MAN2A1: variants seen among roughly 807,000 people sequenced by gnomAD.
MAN2A1 encodes mannosidase alpha class 2A member 1, also known as alpha-mannosidase 2.
Under a neutral mutation model 142.6 loss-of-function variants are expected in MAN2A1, and 76 were observed. The observed-to-expected ratio is 0.53, with a 90% CI of 0.44 to 0.65. The LOEUF (loss-of-function observed/expected upper bound fraction) is 0.65, where lower values mean the gene tolerates loss of function less well. Among genes scored for constraint, MAN2A1 ranks in the 30% least tolerant of loss-of-function variants. The pLI, the probability that MAN2A1 is intolerant of heterozygous loss-of-function variation, is 0.00. For synonymous variants in MAN2A1, 559 were observed against 473.2 expected, an observed-to-expected ratio of 1.18 and a Z score of -2.35; for missense variants, 1,311 against 1,365.1, an observed-to-expected ratio of 0.96 and a Z score of 0.62.
intron 19 of MAN2A1, among the ~76,000 whole-genome samples, chr5:109,850,103 A>G (rs747104740): frequency 2.4e-4 from 37 of 152,156 alleles, no homozygotes; most frequent in Non-Finnish European, 4.3e-4. Context: ...GTGTGCGATT[A>G]TTTGATCCTG....
chr5:109,751,529 A>G (rs566952441), intron 4 of MAN2A1, among the ~76,000 whole-genome samples: 1 of 151,776 alleles, frequency 6.6e-6, no homozygotes, highest in South Asian at 2.1e-4. Flanking sequence ...TTTTCCCAGT[A>G]GTGGGATGGC....
intron 1 of MAN2A1, among the ~76,000 whole-genome samples, chr5:109,711,882 C>A (rs1055605037): frequency 2.1e-5 from 3 of 140,016 alleles, no homozygotes; most frequent in African/African-American, 8.5e-5. Context: ...TGACAATTGC[C>A]TTTAAAGGAC....
chr5:109,832,161 CTTTTTTT>C (rs70999945), intron 16 of MAN2A1, among the ~76,000 whole-genome samples: 8 of 51,218 alleles, frequency 1.6e-4, no homozygotes, highest in Admixed American at 7.1e-4. Context: ...AAGGAGTTTT[CTTTTTTT>C]TTTTTTTTTT....
intron 6 of MAN2A1, among the ~76,000 whole-genome samples, chr5:109,769,900 T>A (rs1358067842): frequency 2.6e-5 from 4 of 152,136 alleles, no homozygotes; most frequent in African/African-American, 9.7e-5. Context: ...ACACTTCCTT[T>A]GTTCTTCCAT....
intron 21 of MAN2A1, chr5:109,865,403 C>G (rs551536290): frequency 2.4e-6 from 1 of 421,602 alleles, no homozygotes; most frequent in East Asian, 4.8e-5. Flanking sequence ...CCTAGGCCTT[C>G]TATTTCCAGC....
intron 7 of MAN2A1, among the ~76,000 whole-genome samples, chr5:109,772,420 C>T (rs1753173665): frequency 6.6e-6 from 1 of 152,192 alleles, no homozygotes; most frequent in African/African-American, 2.4e-5. Context: ...GTTAACTCTA[C>T]TGGTTACCTC....
chr5:109,825,258 C>A (rs1158659874), intron 16 of MAN2A1, among the ~76,000 whole-genome samples: 1 of 152,164 alleles, frequency 6.6e-6, no homozygotes, highest in Non-Finnish European at 1.5e-5. Flanking sequence ...ATATGCTGAT[C>A]TATTTTTAAG....
intron 1 of MAN2A1, among the ~76,000 whole-genome samples, chr5:109,708,943 C>T (rs1006793683): frequency 2.6e-5 from 4 of 152,192 alleles, no homozygotes; most frequent in Non-Finnish European, 5.9e-5. Flanking sequence ...ACTCACACAC[C>T]GTCTCCTCTG....
At position 109,834,532 on chromosome 5, in the gene MAN2A1, A is replaced by G. The variant is rs548284304; in HGVS notation, c.2567-7796A>G. On this transcript the variant is annotated intron_variant, in intron 16 of 21. Transcript: ENST00000261483. The stretch of plus-strand genomic sequence containing the variant: ...AGTTTATTGGTATAATCTTTACCCA[A>G]CATTTGCAATTCATATGATCAAAAT... Among the ~76,000 whole-genome samples, 3 of 152,288 alleles carry G rather than the reference A, an allele frequency of 2.0e-5. No homozygotes were observed. The South Asian group carries it at 6.2e-4, about 32-fold the overall frequency.
chr5:109,712,495 G>A (rs1416879323), intron 1 of MAN2A1, among the ~76,000 whole-genome samples: 3 of 152,190 alleles, frequency 2.0e-5, no homozygotes, highest in African/African-American at 4.8e-5. Context: ...ACTTTTGGGC[G>A]TTTGGATATT....
intron 5 of MAN2A1, among the ~76,000 whole-genome samples, chr5:109,761,663 T>A (rs1410458510): frequency 6.6e-6 from 1 of 152,090 alleles, no homozygotes; most frequent in African/African-American, 2.4e-5. Flanking sequence ...GTATTTTTTT[T>A]ATTGGTTTGT....
intron 4 of MAN2A1, among the ~76,000 whole-genome samples, chr5:109,745,515 T>C (rs1389912945): frequency 6.6e-6 from 1 of 152,164 alleles, no homozygotes; most frequent in African/African-American, 2.4e-5. Context: ...ATGAATAAAG[T>C]ATTGTTTACT....
At chr5:109,806,188 T>G (rs1270185009) in intron 12 of MAN2A1, among the ~76,000 whole-genome samples, 1 of 152,154 alleles carries the variant, frequency 6.6e-6, no homozygotes, top group Non-Finnish European at 1.5e-5. Flanking sequence ...GCATCAGTGC[T>G]TCTAGCACGT....
chr5:109,840,556 G>A (rs944524537), intron 16 of MAN2A1: 13 of 505,820 alleles, frequency 2.6e-5, no homozygotes, highest in African/African-American at 1.4e-4. Flanking sequence ...CTCCAATAAG[G>A]CTGTCTCCTG....
chr5:109,794,082 C>G (rs191917350), intron 12 of MAN2A1: 1 of 152,244 alleles, frequency 6.6e-6, no homozygotes, highest in East Asian at 1.9e-4. Flanking sequence ...AGAAGCCAAA[C>G]TCGCAACCTT....
chr5:109,854,980 C>T (rs1755569145), intron 19 of MAN2A1, 160 bp from the exon 20 acceptor site: 1 of 432,432 alleles, frequency 2.3e-6, no homozygotes, highest in Non-Finnish European at 4.0e-6. Context: ...TACAACTAAA[C>T]TTGGTAGTTT....
intron 5 of MAN2A1, 101 bp downstream of exon 5, chr5:109,755,557 TAGTC>T (rs1377240907): frequency 1.2e-6 from 1 of 858,682 alleles, no homozygotes; most frequent in African/African-American, 1.7e-5. Flanking sequence ...TTTTCCCTGT[TAGTC>T]ATTATTGTTG....
In MAN2A1 at chr5:109,866,982, G is replaced by T; in HGVS notation, c.3419G>T (p.Arg1140Leu). 1 of 1,609,014 alleles carries T rather than the reference G, an allele frequency of 6.2e-7. No homozygotes were observed. The highest frequency in any genetic ancestry group is 8.5e-7 in the Non-Finnish European group (1 of 1,177,696). ...NLSPMEISTFRIQLR is the reference protein window; with the variant it reads ...NLSPMEISTFLIQLR ...AGTCCAATGGAAATCAGCACATTCC[G>T]AATCCAGTTGAGGTGAACCTGACTT... The change falls in exon 22 of 22, where the codon CGA becomes CTA. Residue 1140 changes from arginine to leucine, a missense_variant. Transcript: ENST00000261483.
At chr5:109,865,597 T>C (rs571707657) in intron 21 of MAN2A1, among the ~76,000 whole-genome samples, 110 of 152,292 alleles carry the variant, frequency 7.2e-4, no homozygotes, top group Non-Finnish European at 8.8e-4. Context: ...TGTAGGCTAG[T>C]GGGATAATCC....
Sources: allele counts gnomAD v4.1 joint callset (sites outside exome capture counted in the v4.1 genomes callset), GRCh38; gene constraint gnomAD v4.1.1; transcripts MANE v1.5; gene names NCBI Gene and HGNC (gene_info 2026-07-23, HGNC 2026-07-21).